Variants in CELSR1 observed in about 807,000 individuals in gnomAD.
CELSR1 encodes the protein cadherin EGF LAG seven-pass G-type receptor 1, also known as adhesion G protein-coupled receptor C1.
Under a neutral mutation model 249.1 loss-of-function variants are expected in CELSR1, and 110 were observed. That is an observed-to-expected ratio of 0.44 (90% CI 0.38 to 0.52). The LOEUF (loss-of-function observed/expected upper bound fraction) is 0.52, where lower values mean the gene tolerates loss of function less well. CELSR1 is among the 20% of genes least tolerant of loss of function. The pLI is 0.00. For synonymous variants in CELSR1, 2,113 were observed against 1,900.0 expected (o/e 1.11, Z -2.92); for missense variants, 4,109 against 4,296.4 (o/e 0.96, Z 1.22).
chr22:46,460,284 G>A (rs1465514429), intron 2 of CELSR1, among the ~76,000 whole-genome samples: 3 of 152,112 alleles, frequency 2.0e-5, no homozygotes, highest in Non-Finnish European at 4.4e-5. Context: ...CACCCAGCAT[G>A]GGGGTGGACC....
In CELSR1 at chr22:46,433,332, G is replaced by A. The variant is rs1002378225; in HGVS notation, c.4611+61C>T. 51 of 1,343,160 alleles carry A rather than the reference G, an allele frequency of 3.8e-5. No individual in the cohort carries two copies. Among genetic ancestry groups the A allele is most frequent in the Middle Eastern group, 3.8e-4 (2 of 5,302 alleles). 83.2% of individuals were successfully genotyped at this position (1,343,160 alleles called of 1,614,324 possible). A position where few individuals can be genotyped will look rare whatever the true frequency, so the allele number is the denominator to read the frequency against. ...TTACAGGCGTGAGCCACTGCGCCTCGCCCCAGGGCACCTTCTCGAGCCGCC... is the reference window on the plus strand; with the variant it reads ...TTACAGGCGTGAGCCACTGCGCCTCACCCCAGGGCACCTTCTCGAGCCGCC... On this transcript the variant is annotated intron_variant, in intron 5 of 34. Transcript: ENST00000674500. This position sits in a 1 kb window ranked among gnomAD's most constrained non-coding sequence, Gnocchi z 5.7.
chr22:46,476,957 A>G (rs975836946), intron 1 of CELSR1, among the ~76,000 whole-genome samples: 2 of 152,144 alleles, frequency 1.3e-5, no homozygotes, highest in Admixed American at 1.3e-4. Context: ...AAAAGGCAAA[A>G]AGAGTTAAGA....
rs1288465808 is a variant in CELSR1, at chr22:46,420,729, C to G, written c.4612-8970G>C. Among the ~76,000 whole-genome samples, 4 of 152,128 alleles carry G rather than the reference C, an allele frequency of 2.6e-5. No homozygotes were observed. The East Asian group carries it at 7.7e-4, about 29-fold the overall frequency. ...CCCCTCTCTGTCCTCGATCTGGGCC[C>G]GCGGGACCCCCTTCCTTAGTCCCCC... is the stretch of plus-strand genomic sequence containing the variant. On this transcript the variant is annotated intron_variant, in intron 5 of 34. Coordinates refer to ENST00000674500, the MANE Select transcript of CELSR1 (RefSeq NM_001378328.1).
intron 24 of CELSR1, among the ~76,000 whole-genome samples, chr22:46,375,496 G>A (rs1230962370): frequency 6.6e-6 from 1 of 150,838 alleles, no homozygotes; most frequent in African/African-American, 2.4e-5. Flanking sequence ...CGCATTATCA[G>A]ACTGCTCTGA....
rs150254239 is a variant in CELSR1 at position 46,486,872 on chromosome 22, A to G, written c.3545-22527T>C. Among the ~76,000 whole-genome samples, 15 of 152,234 alleles carry G rather than the reference A, an allele frequency of 9.9e-5. No individual in the cohort carries two copies. The East Asian group carries it at 2.1e-3, about 22-fold the overall frequency. ...CAAAAAAATTAAAATAAAGTCATGC[A>G]TCAGGACACGTCCACACAGGATGTC... On this transcript the variant is annotated intron_variant, in intron 1 of 34. Coordinates refer to ENST00000674500, the MANE Select transcript of CELSR1 (RefSeq NM_001378328.1).
At chr22:46,449,813 G>A (rs2079861513) in intron 2 of CELSR1, among the ~76,000 whole-genome samples, 1 of 152,120 alleles carries the variant, frequency 6.6e-6, no homozygotes, top group African/African-American at 2.4e-5. Context: ...ATCAAAGTAG[G>A]GTCAGGACCA....
At chr22:46,425,946 C>G (rs1411131872) in intron 5 of CELSR1, among the ~76,000 whole-genome samples, 1 of 152,240 alleles carries the variant, frequency 6.6e-6, no homozygotes, top group East Asian at 1.9e-4. Context: ...TTAGCTGCAG[C>G]CCACAGCTTT....
Position 46,365,516 on chromosome 22 carries a change from G to A in CELSR1, c.8404+70C>T, listed in dbSNP as rs1232145532. 6 of 1,539,426 alleles carry A rather than the reference G, an allele frequency of 3.9e-6. No homozygotes were observed. The East Asian group carries it at 7.2e-5, about 18-fold the overall frequency. ...GGCTGCTAGTGCTTCTTCAGGGGCAGTCTGTCCAGTGACCGAAGGGACGTG... is the reference window on the plus strand; with the variant it reads ...GGCTGCTAGTGCTTCTTCAGGGGCAATCTGTCCAGTGACCGAAGGGACGTG... On this transcript the variant is annotated intron_variant, in intron 31 of 34. Transcript: ENST00000674500.
In CELSR1 at chr22:46,412,916, T is replaced by C. The variant is rs2079355382; in HGVS notation, c.4612-1157A>G. On this transcript the variant is annotated intron_variant, in intron 5 of 34. Transcript: ENST00000674500. This position sits in a 1 kb window ranked among gnomAD's most constrained non-coding sequence, Gnocchi z 4.5. ...ATGAGCCAGGAGATCGCCAGGCAAG[T>C]GCCACCATGCCCCACAATTGGCACA... Among the ~76,000 whole-genome samples the C allele has an allele frequency of 6.6e-6, 1 of 152,172 alleles. No individual in the cohort carries two copies. Among genetic ancestry groups the C allele is most frequent in the South Asian group, 2.1e-4 (1 of 4,820 alleles).
intron 2 of CELSR1, among the ~76,000 whole-genome samples, chr22:46,451,200 G>A (rs988825719): frequency 2.6e-5 from 4 of 152,140 alleles, no homozygotes; most frequent in Non-Finnish European, 5.9e-5. Flanking sequence ...AGGCGGCCCA[G>A]CCCTGCCCCA....
chr22:46,369,113 A>G (rs2078821115), intron 27 of CELSR1, 66 bp downstream of exon 27: 1 of 1,521,714 alleles, frequency 6.6e-7, no homozygotes, highest in Admixed American at 1.7e-5. Flanking sequence ...CACCCCGCAG[A>G]GACTGGACGT....
Position 46,391,305 on chromosome 22 carries a change from GA to G in CELSR1, c.6149-19del. ...GTAGATCACTGGGGTAGAGAAGAGA[GA>G]AGTCTGCTCAGCGGGGCACGCCACA... On this transcript the variant is annotated intron_variant, in intron 15 of 34. Coordinates refer to ENST00000674500, the MANE Select transcript of CELSR1 (RefSeq NM_001378328.1). The surrounding 1 kb of genome is among the most constrained non-coding windows in gnomAD (Gnocchi z 4.3). The G allele has an allele frequency of 6.2e-7, 1 of 1,609,422 alleles. No individual in the cohort carries two copies.
intron 1 of CELSR1, among the ~76,000 whole-genome samples, chr22:46,523,761 T>C (rs1038622629): frequency 6.6e-6 from 1 of 151,956 alleles, no homozygotes; most frequent in Non-Finnish European, 1.5e-5. Flanking sequence ...GCTCCCCAAA[T>C]AAGAGCCTCC....
chr22:46,382,722 AGGAG>A (rs2078992295), intron 20 of CELSR1, among the ~76,000 whole-genome samples: 1 of 152,202 alleles, frequency 6.6e-6, no homozygotes, highest in Non-Finnish European at 1.5e-5. Flanking sequence ...AGCCTTCAAA[AGGAG>A]GGGAAGTCTG....
rs12157815 is a variant in CELSR1, at chr22:46,433,300, G to C, written c.4611+93C>G. 5,615 of 923,420 alleles carry C rather than the reference G, an allele frequency of 6.1e-3. 191 individuals carry two copies. In the African/African-American group the frequency reaches 0.079, roughly 13 times the overall value. The allele number at this position is 923,420 out of a possible 1,614,324, so 57.2% of individuals were successfully genotyped here. A position where few individuals can be genotyped will look rare whatever the true frequency, so the allele number is the denominator to read the frequency against. ...TCCACCTGCCTTGGCCTCTCAAAGTGCTGGGATTACAGGCGTGAGCCACTG... is the reference window on the plus strand; with the variant it reads ...TCCACCTGCCTTGGCCTCTCAAAGTCCTGGGATTACAGGCGTGAGCCACTG... On this transcript the variant is annotated intron_variant, in intron 5 of 34. Coordinates refer to ENST00000674500, the MANE Select transcript of CELSR1 (RefSeq NM_001378328.1). This position sits in a 1 kb window ranked among gnomAD's most constrained non-coding sequence, Gnocchi z 5.7.
In CELSR1 at chr22:46,437,545, C is replaced by A. The variant is rs1376567874; in HGVS notation, c.4407-1256G>T. Among the ~76,000 whole-genome samples, 1 of 152,094 alleles carries A rather than the reference C, an allele frequency of 6.6e-6. No homozygotes were observed. Among genetic ancestry groups the A allele is most frequent in the East Asian group, 1.9e-4 (1 of 5,186 alleles). On this transcript the variant is annotated intron_variant, in intron 3 of 34. Coordinates refer to ENST00000674500, the MANE Select transcript of CELSR1 (RefSeq NM_001378328.1). The surrounding 1 kb of genome is among the most constrained non-coding windows in gnomAD (Gnocchi z 4.9). ...CCGAGGTGGGTGGATCACCTGAGGT[C>A]AGGTTGACCAGCCTGGCCAACATGG...
In CELSR1 at chr22:46,393,228, G is replaced by A. The variant is rs1221277119; in HGVS notation, c.5964+914C>T. Among the ~76,000 whole-genome samples, 4 of 152,176 alleles carry A rather than the reference G, an allele frequency of 2.6e-5. No homozygotes were observed. Among genetic ancestry groups the A allele is most frequent in the South Asian group, 2.1e-4 (1 of 4,834 alleles). ...TGAGCGCCATGGCCGTGGTGTACAC[G>A]AAGATCCTGAAGGAGGTGATGTATC... On this transcript the variant is annotated intron_variant, in intron 14 of 34. Transcript: ENST00000674500. The surrounding 1 kb of genome is among the most constrained non-coding windows in gnomAD (Gnocchi z 4.1).
intron 2 of CELSR1, among the ~76,000 whole-genome samples, chr22:46,453,562 C>A (rs141589283): frequency 1.3e-5 from 2 of 152,212 alleles, no homozygotes; most frequent in African/African-American, 2.4e-5. Context: ...GCCAGAGGTG[C>A]GTGATTAACC....
intron 27 of CELSR1, among the ~76,000 whole-genome samples, 185 bp from the exon 28 acceptor site, chr22:46,368,040 C>G (rs1232688345): frequency 6.6e-6 from 1 of 152,186 alleles, no homozygotes; most frequent in Non-Finnish European, 1.5e-5. Flanking sequence ...CGGACTCATC[C>G]GGGAACCAGA....
Sources: allele counts gnomAD v4.1 joint callset (sites outside exome capture counted in the v4.1 genomes callset), GRCh38; gene constraint gnomAD v4.1.1; non-coding constraint Gnocchi (gnomAD v3.1); transcripts MANE v1.5; gene names NCBI Gene and HGNC (gene_info 2026-07-23, HGNC 2026-07-21).